Variants in OSBPL5 observed in about 807,000 individuals in gnomAD.
OSBPL5 encodes oxysterol binding protein like 5.
In OSBPL5, 71 loss-of-function variants were observed where a neutral mutation model predicts 111.2. The ratio of observed to expected loss-of-function variants is 0.64; its 90% confidence interval spans 0.53 to 0.78. OSBPL5 has a LOEUF of 0.78. Among genes scored for constraint, OSBPL5 ranks in the 30% least tolerant of loss-of-function variants. The pLI, the probability that OSBPL5 is intolerant of heterozygous loss-of-function variation, is 0.00. For missense variants in OSBPL5, 1,210 were observed against 1,189.3 expected (o/e 1.02, Z -0.26); for synonymous variants, 549 against 513.9 (o/e 1.07, Z -0.93).
chr11:3,120,408 C>T lies in OSBPL5; in HGVS notation c.606+13G>A, dbSNP rs765910873. The T allele has an allele frequency of 9.3e-6, 15 of 1,609,282 alleles. No individual in the cohort carries two copies. In the South Asian group the frequency reaches 1.5e-4, roughly 17 times the overall value. ...ACGGGGCCTCTGTCTTCAACCCCAC[C>T]CCTCCGCAGCACCTTCACGGCCCAG... On this transcript the variant is annotated intron_variant, in intron 6 of 21. Transcript: ENST00000263650.
intron 2 of OSBPL5, among the ~76,000 whole-genome samples, chr11:3,127,012 T>C (rs1858651749): frequency 6.6e-6 from 1 of 152,184 alleles, no homozygotes; most frequent in South Asian, 2.1e-4. Context: ...TGGTCAGCCC[T>C]GTCTGCCATC....
chr11:3,156,807 G>A (rs940372973), intron 1 of OSBPL5, among the ~76,000 whole-genome samples: 4 of 152,208 alleles, frequency 2.6e-5, no homozygotes, highest in Non-Finnish European at 5.9e-5. Flanking sequence ...CACCCACGGT[G>A]AGCTGGCTCA....
rs1452918498 is a variant in OSBPL5 at position 3,100,268 on chromosome 11, A to AC, written c.1523-13_1523-12insG. ...CGACAGCGAGTTCCCTGCAGAGACA[A>AC]GAGACAGCAGGACCAGTGAGTGCGG... On this transcript the variant is annotated splice_polypyrimidine_tract_variant and intron_variant, in intron 13 of 21. Coordinates refer to ENST00000263650, the MANE Select transcript of OSBPL5 (RefSeq NM_020896.4). 6.2e-7 allele frequency: 1 copy of AC among 1,612,956 alleles called. No individual in the cohort carries two copies. Among genetic ancestry groups the AC allele is most frequent in the Non-Finnish European group, 8.5e-7 (1 of 1,179,320 alleles).
At position 3,111,000 on chromosome 11, in the gene OSBPL5, A is replaced by AT. The variant is rs1857905233; in HGVS notation, c.692-3056dup. ...TGTCTCAGATTTTCAGGGTTCAAAC[A>AT]TTTTGGTAACCACTGAAGGATTCTG... On this transcript the variant is annotated intron_variant, in intron 7 of 21. Transcript: ENST00000263650. This position sits in a 1 kb window ranked among gnomAD's most constrained non-coding sequence, Gnocchi z 5.3. Among the ~76,000 whole-genome samples the AT allele has an allele frequency of 6.6e-6, 1 of 152,110 alleles. No individual in the cohort carries two copies. Among genetic ancestry groups the AT allele is most frequent in the African/African-American group, 2.4e-5 (1 of 41,412 alleles).
In OSBPL5 at chr11:3,101,735, G is replaced by C. The variant is rs768135547; in HGVS notation, c.1426-36C>G. 8.4e-6 allele frequency: 13 copies of C among 1,552,782 alleles called. No homozygotes were observed. In the Admixed American group the frequency reaches 1.2e-4, roughly 14 times the overall value. ...GGAGGCGGCTCTGTAAACAGCCCCG[G>C]AAACAGGTAATCCCAGGAAGCGAGA... On this transcript the variant is annotated intron_variant, in intron 12 of 21. Coordinates refer to ENST00000263650, the MANE Select transcript of OSBPL5 (RefSeq NM_020896.4).
At chr11:3,096,629 AG>A (rs1857264511) in intron 14 of OSBPL5, among the ~76,000 whole-genome samples, 4 of 150,230 alleles carry the variant, frequency 2.7e-5, no homozygotes, top group African/African-American at 4.9e-5. Flanking sequence ...AAAAAAAAAA[AG>A]ACAGAAAGAA....
intron 1 of OSBPL5, among the ~76,000 whole-genome samples, chr11:3,136,813 C>A (rs1454673145): frequency 6.6e-6 from 1 of 152,236 alleles, no homozygotes; most frequent in Non-Finnish European, 1.5e-5. Flanking sequence ...GAGGCTCTGG[C>A]CACTGGGGTG....
At chr11:3,144,273 G>A (rs1365873579) in intron 1 of OSBPL5, among the ~76,000 whole-genome samples, 1 of 152,184 alleles carries the variant, frequency 6.6e-6, no homozygotes, top group Non-Finnish European at 1.5e-5. Flanking sequence ...GACAATGAGA[G>A]CCCCAGGGAA....
At chr11:3,137,611 G>A (rs552386136) in intron 1 of OSBPL5, among the ~76,000 whole-genome samples, 11 of 152,292 alleles carry the variant, frequency 7.2e-5, no homozygotes, top group South Asian at 6.2e-4. Context: ...CTAGGAGATC[G>A]AGATCAGCCT....
chr11:3,138,683 G>A (rs1175231870), intron 1 of OSBPL5, among the ~76,000 whole-genome samples: 1 of 152,244 alleles, frequency 6.6e-6, no homozygotes, highest in African/African-American at 2.4e-5. Flanking sequence ...CTTCTGGGTG[G>A]TGCCAGTGCC....
chr11:3,143,448 G>A (rs1389645139), intron 1 of OSBPL5, among the ~76,000 whole-genome samples: 1 of 152,240 alleles, frequency 6.6e-6, no homozygotes, highest in African/African-American at 2.4e-5. Context: ...AGCGGACACA[G>A]CCAGACATCC....
chr11:3,156,446 C>A (rs1846761039), intron 1 of OSBPL5, among the ~76,000 whole-genome samples: 1 of 152,172 alleles, frequency 6.6e-6, no homozygotes, highest in Non-Finnish European at 1.5e-5. Flanking sequence ...GGTCACGTGA[C>A]ATCTGTCTGC....
rs1364825188 is a variant in OSBPL5, at chr11:3,121,701, A to T, written c.402+296T>A. ...TCTCCCTCCCCAGCGCCCTCCGCCC[A>T]CTGGCCAGGCCCCACCTTATTCGGA... On this transcript the variant is annotated intron_variant, in intron 5 of 21. Transcript: ENST00000263650. The surrounding 1 kb of genome is among the most constrained non-coding windows in gnomAD (Gnocchi z 4.3). 2 of 422,304 alleles carry T rather than the reference A, an allele frequency of 4.7e-6. No individual in the cohort carries two copies. Among genetic ancestry groups the T allele is most frequent in the Non-Finnish European group, 8.6e-6 (2 of 231,744 alleles). The allele number at this position is 422,304 out of a possible 1,614,324, so 26.2% of individuals were successfully genotyped here.
In OSBPL5 at chr11:3,142,696, C is replaced by A. The variant is rs964607898; in HGVS notation, c.-21-13527G>T. On this transcript the variant is annotated intron_variant, in intron 1 of 21. Transcript: ENST00000263650. The surrounding 1 kb of genome is among the most constrained non-coding windows in gnomAD (Gnocchi z 7.1). ...CCTCATAGACCCACTCAGGTGGAGACCTGTCCCTCTGTCTCCGTGTCCGCG... is the reference window on the plus strand; with the variant it reads ...CCTCATAGACCCACTCAGGTGGAGAACTGTCCCTCTGTCTCCGTGTCCGCG... Among the ~76,000 whole-genome samples, 2 of 151,802 alleles carry A rather than the reference C, an allele frequency of 1.3e-5. No individual in the cohort carries two copies. The highest frequency in any genetic ancestry group is 4.8e-5 in the African/African-American group (2 of 41,406).
intron 1 of OSBPL5, among the ~76,000 whole-genome samples, chr11:3,138,816 T>C (rs1846024814): frequency 6.6e-6 from 1 of 152,192 alleles, no homozygotes; most frequent in Non-Finnish European, 1.5e-5. Context: ...TGTGGCCGCC[T>C]AGGGACACGC....
chr11:3,151,871 C>A (rs1846603228), intron 1 of OSBPL5, among the ~76,000 whole-genome samples: 4 of 152,260 alleles, frequency 2.6e-5, no homozygotes, highest in Admixed American at 2.6e-4. Context: ...CGACAGCTGC[C>A]TGTTCCTCCG....
In OSBPL5 at chr11:3,142,728, G is replaced by A. The variant is rs929196803; in HGVS notation, c.-21-13559C>T. Among the ~76,000 whole-genome samples the A allele has an allele frequency of 5.9e-5, 9 of 152,066 alleles. No homozygotes were observed. Among genetic ancestry groups the A allele is most frequent in the Non-Finnish European group, 1.2e-4 (8 of 68,010 alleles). On this transcript the variant is annotated intron_variant, in intron 1 of 21. Coordinates refer to ENST00000263650, the MANE Select transcript of OSBPL5 (RefSeq NM_020896.4). The surrounding 1 kb of genome is among the most constrained non-coding windows in gnomAD (Gnocchi z 7.1). Reference sequence around the variant, plus strand: ...CTCTGTCTCCGTGTCCGCGGGGCCCGGCAGGAAGTCGTGTGCAGGGGTGGA... The same window carrying A: ...CTCTGTCTCCGTGTCCGCGGGGCCCAGCAGGAAGTCGTGTGCAGGGGTGGA...
rs372605259 is a variant in OSBPL5, at chr11:3,107,505, C to G, written c.867-50G>C. 41 of 1,594,032 alleles carry G rather than the reference C, an allele frequency of 2.6e-5. No individual in the cohort carries two copies. The African/African-American group carries it at 4.6e-4, about 18-fold the overall frequency. On this transcript the variant is annotated intron_variant, in intron 8 of 21. Coordinates refer to ENST00000263650, the MANE Select transcript of OSBPL5 (RefSeq NM_020896.4). This position sits in a 1 kb window ranked among gnomAD's most constrained non-coding sequence, Gnocchi z 6.1. ...GTCCCTGTCACAGGTGAGAGCCCAG[C>G]ACAGCCCTCTGGGCTGCCCACCCCT...
At chr11:3,124,446 C>T (rs1162306946) in intron 3 of OSBPL5, among the ~76,000 whole-genome samples, 1 of 152,128 alleles carries the variant, frequency 6.6e-6, no homozygotes, top group Non-Finnish European at 1.5e-5. Context: ...AGAAGGTGTC[C>T]TAAGTTGCCC....
Sources: gnomAD v4.1 joint callset for allele counts (sites outside exome capture counted in the v4.1 genomes callset) on GRCh38, gnomAD v4.1.1 for gene constraint, Gnocchi (gnomAD v3.1) non-coding constraint, MANE v1.5 for transcripts, NCBI Gene and HGNC (gene_info 2026-07-23, HGNC 2026-07-21) for gene names.